STK24: variants seen among roughly 807,000 people sequenced by gnomAD.
STK24 encodes the protein serine/threonine kinase 24.
Under a neutral mutation model 55.6 loss-of-function variants are expected in STK24, and 21 were observed. That is an observed-to-expected ratio of 0.38 (90% CI 0.27 to 0.54). STK24 has a LOEUF of 0.54. Ranked by LOEUF, STK24 falls within the 20% of genes least tolerant of loss-of-function variation. STK24 has a pLI of 0.79. For missense variants in STK24, 383 were observed against 538.4 expected (o/e 0.71, Z 2.86); for synonymous variants, 200 against 215.2 (o/e 0.93, Z 0.62).
chr13:98,535,807 C>T (rs1896715110), intron 1 of STK24, among the ~76,000 whole-genome samples: 1 of 152,216 alleles, frequency 6.6e-6, no homozygotes, highest in Admixed American at 6.5e-5. Context: ...TCACAGGGTG[C>T]CTGACTCCAG....
chr13:98,522,088 G>C, intron 1 of STK24: 1 of 1,348,770 alleles, frequency 7.4e-7, no homozygotes, highest in Non-Finnish European at 9.5e-7. Context: ...GCCTGGCTCC[G>C]CTCTGGATCC....
chr13:98,517,125 T>C (rs1896094863), intron 2 of STK24, among the ~76,000 whole-genome samples: 1 of 152,224 alleles, frequency 6.6e-6, no homozygotes, highest in Non-Finnish European at 1.5e-5. Flanking sequence ...CTGGTATAAA[T>C]CACCAAATAT....
At chr13:98,563,453 A>T (rs1252436815) in intron 1 of STK24, among the ~76,000 whole-genome samples, 1 of 152,220 alleles carries the variant, frequency 6.6e-6, no homozygotes, top group Non-Finnish European at 1.5e-5. Context: ...AGATTCTTCG[A>T]TAACAAAGGG....
At chr13:98,570,168 C>T (rs141994868) in intron 1 of STK24, among the ~76,000 whole-genome samples, 2,802 of 152,216 alleles carry the variant, frequency 0.018, 35 homozygotes, top group Middle Eastern at 0.034. Context: ...CGTGAGCCAC[C>T]GCCCCCGGTC....
At chr13:98,567,704 C>A (rs1233448811) in intron 1 of STK24, among the ~76,000 whole-genome samples, 1 of 152,194 alleles carries the variant, frequency 6.6e-6, no homozygotes, top group East Asian at 1.9e-4. Flanking sequence ...CCTGGCCCAG[C>A]AGTCAGTCCT....
intron 1 of STK24, among the ~76,000 whole-genome samples, chr13:98,523,789 A>C (rs1444569477): frequency 6.6e-6 from 1 of 152,232 alleles, no homozygotes; most frequent in Non-Finnish European, 1.5e-5. Context: ...TGTTTTGGCC[A>C]CTCGGTTTTG....
At chr13:98,495,772 G>A (rs1594611129) in intron 2 of STK24, among the ~76,000 whole-genome samples, 2 of 152,156 alleles carry the variant, frequency 1.3e-5, no homozygotes, top group South Asian at 2.1e-4. Flanking sequence ...AATTGATTGC[G>A]AAATGAAATG....
At chr13:98,466,300 G>A (rs1433602261) in intron 6 of STK24, 76 bp downstream of exon 6, 2 of 1,424,914 alleles carry the variant, frequency 1.4e-6, no homozygotes, top group Non-Finnish European at 1.9e-6. Flanking sequence ...AGTGATTAAA[G>A]CAATCCCAAC....
intron 1 of STK24, among the ~76,000 whole-genome samples, chr13:98,571,985 T>C (rs1251287455): frequency 2.0e-5 from 3 of 152,222 alleles, no homozygotes; most frequent in Non-Finnish European, 2.9e-5. Context: ...TGTGCCATAC[T>C]TCCGGCTGTC....
In STK24 at chr13:98,519,216, G is replaced by A. The variant is rs751169619; in HGVS notation, c.273+27C>T. On this transcript the variant is annotated intron_variant, in intron 2 of 10. Coordinates refer to ENST00000539966, the MANE Select transcript of STK24 (RefSeq NM_001032296.4). ...GCACCTCAGCCAAGTGCTGCAGAAC[G>A]GAGAAGCACGTTATTTTAAGCCTTA... 148 of 1,588,590 alleles carry A rather than the reference G, an allele frequency of 9.3e-5. No individual in the cohort carries two copies. In the Middle Eastern group the frequency reaches 1.3e-3, roughly 14 times the overall value.
In STK24 at chr13:98,446,498, C is replaced by G; in HGVS notation, c.*6675G>C. On this transcript the variant is annotated 3_prime_UTR_variant, in exon 11 of 11. Coordinates refer to ENST00000539966, the MANE Select transcript of STK24 (RefSeq NM_001032296.4). ...CTCAGTCCTGGCGGGACTTGCCACC[C>G]GGGCCATCACGTACAGGCAAACACT... The G allele has an allele frequency of 5.9e-6, 4 of 679,014 alleles. No homozygotes were observed. Among genetic ancestry groups the G allele is most frequent in the Non-Finnish European group, 1.0e-5 (4 of 400,558 alleles). 42.1% of individuals were successfully genotyped at this position (679,014 alleles called of 1,614,324 possible).
chr13:98,515,330 G>A (rs971013132), intron 2 of STK24, among the ~76,000 whole-genome samples: 4 of 151,920 alleles, frequency 2.6e-5, no homozygotes, highest in Non-Finnish European at 5.9e-5. Flanking sequence ...TTTTGACTTC[G>A]TGGATGGTAC....
At chr13:98,460,555 G>A (rs189489251) in intron 8 of STK24, 115 bp from the exon 9 acceptor site, 8 of 794,334 alleles carry the variant, frequency 1.0e-5, no homozygotes, top group Admixed American at 4.6e-5. Context: ...TACACTTCAC[G>A]CTGAGGAAAC....
intron 1 of STK24, among the ~76,000 whole-genome samples, chr13:98,571,431 C>A (rs1897736642): frequency 6.6e-6 from 1 of 152,132 alleles, no homozygotes; most frequent in Admixed American, 6.6e-5. Flanking sequence ...TCTCATCTGA[C>A]CAATTCCTAC....
intron 2 of STK24, among the ~76,000 whole-genome samples, chr13:98,514,951 T>C (rs1427426124): frequency 1.3e-5 from 2 of 152,084 alleles, no homozygotes; most frequent in Non-Finnish European, 2.9e-5. Context: ...TGGAAGTATA[T>C]CTGCGTTTCC....
intron 1 of STK24, among the ~76,000 whole-genome samples, chr13:98,537,551 C>T (rs1223671736): frequency 2.0e-5 from 3 of 152,158 alleles, no homozygotes; most frequent in East Asian, 1.9e-4. Context: ...GCCAGGGTGC[C>T]GGCCTCACTA....
At chr13:98,456,825 T>C (rs915140328) in intron 10 of STK24, 27 of 410,426 alleles carry the variant, frequency 6.6e-5, no homozygotes, top group Non-Finnish European at 1.1e-4. Context: ...ACCAGATAGA[T>C]AGTTACACAC....
chr13:98,512,580 T>G (rs970120948), intron 2 of STK24, among the ~76,000 whole-genome samples: 3 of 151,826 alleles, frequency 2.0e-5, no homozygotes, highest in Non-Finnish European at 4.4e-5. Context: ...AGTTTTTTTT[T>G]TTTTTTTTTA....
At chr13:98,528,854 C>G (rs1389340397) in intron 1 of STK24, among the ~76,000 whole-genome samples, 1 of 152,184 alleles carries the variant, frequency 6.6e-6, no homozygotes, top group South Asian at 2.1e-4. Context: ...ATACCCGGTA[C>G]TTCTCACACC....
Sources: allele counts gnomAD v4.1 joint callset (sites outside exome capture counted in the v4.1 genomes callset), GRCh38; gene constraint gnomAD v4.1.1; transcripts MANE v1.5; gene names NCBI Gene and HGNC (gene_info 2026-07-23, HGNC 2026-07-21).